SPECC1L: variants seen among roughly 807,000 people sequenced by gnomAD.
SPECC1L encodes the protein sperm antigen with calponin homology and coiled-coil domains 1 like, also known as cytospin-A.
In SPECC1L, 40 loss-of-function variants were observed where a neutral mutation model predicts 116.8. The observed-to-expected ratio is 0.34, with a 90% confidence interval of 0.27 to 0.45. SPECC1L has a LOEUF of 0.45. SPECC1L is among the 20% of genes least tolerant of loss of function. The pLI is 1.00. For synonymous variants in SPECC1L, 504 were observed against 500.6 expected (o/e 1.01, Z -0.09); for missense variants, 1,110 against 1,373.6 (o/e 0.81, Z 3.03).
At chr22:24,293,536 C>G (rs1313908848) in intron 2 of SPECC1L, among the ~76,000 whole-genome samples, 2 of 152,154 alleles carry the variant, frequency 1.3e-5, no homozygotes, top group Admixed American at 6.5e-5. Flanking sequence ...TATTAGATAA[C>G]CATGAACTTA....
intron 14 of SPECC1L, among the ~76,000 whole-genome samples, chr22:24,396,411 C>G (rs951437911): frequency 6.6e-6 from 1 of 152,098 alleles, no homozygotes; most frequent in African/African-American, 2.4e-5. Context: ...GATTCTCCTG[C>G]ATCAGCCTCC....
Position 24,313,460 on chromosome 22 carries a change from A to G in SPECC1L, c.301A>G (p.Ser101Gly), listed in dbSNP as rs553394561. The G allele has an allele frequency of 6.2e-7, 1 of 1,614,042 alleles. No individual in the cohort carries two copies. Among genetic ancestry groups the G allele is most frequent in the Non-Finnish European group, 8.5e-7 (1 of 1,180,026 alleles). The change falls in exon 4 of 17, where the codon AGC becomes GGC. Residue 101 changes from serine to glycine, a missense_variant. Ser to Gly is a moderately conservative substitution (Grantham distance 56). Coordinates refer to ENST00000314328, the MANE Select transcript of SPECC1L (RefSeq NM_015330.6). Reference protein sequence around the residue: ...MTTVENKSKISTGTASSTKRS... With the variant: ...MTTVENKSKIGTGTASSTKRS... The stretch of plus-strand genomic sequence containing the variant: ...CACCGTGGAGAACAAATCCAAGATT[A>G]GCACAGGTAACGGTGACATTCAGTC...
Position 24,372,623 on chromosome 22 carries a change from C to G in SPECC1L, c.3087+3303C>G, listed in dbSNP as rs1180039959. ...TAAATTAGGTATTGATGGGACGTAT[C>G]TCAAAATAATAAGAGCTATCTATGG... On this transcript the variant is annotated intron_variant, in intron 14 of 16. Transcript: ENST00000314328. Among the ~76,000 whole-genome samples the G allele has an allele frequency of 1.1e-4, 16 of 152,260 alleles. No individual in the cohort carries two copies. The East Asian group carries it at 2.9e-3, about 28-fold the overall frequency.
rs2042796701 is a variant in SPECC1L, at chr22:24,416,123, T to A, written c.*1500T>A. On this transcript the variant is annotated 3_prime_UTR_variant, in exon 17 of 17. Coordinates refer to ENST00000314328, the MANE Select transcript of SPECC1L (RefSeq NM_015330.6). Reference sequence around the variant, plus strand: ...CTGAGGGGTCTGCATTCAAGCACGATGTTCTAGAATAGGAGTTTAACGTGT... The same window carrying A: ...CTGAGGGGTCTGCATTCAAGCACGAAGTTCTAGAATAGGAGTTTAACGTGT... 2 of 152,256 alleles carry A rather than the reference T, an allele frequency of 1.3e-5. No individual in the cohort carries two copies. Among genetic ancestry groups the A allele is most frequent in the East Asian group, 3.9e-4 (2 of 5,184 alleles). The allele number at this position is 152,256 out of a possible 1,614,324, so 9.4% of individuals were successfully genotyped here.
chr22:24,358,115 G>T lies in SPECC1L; in HGVS notation c.2744-5146G>T, dbSNP rs1376561509. 9.6e-4 allele frequency among the ~76,000 whole-genome samples: 124 copies of T among 128,776 alleles called. 1 individual carries two copies. The highest frequency in any genetic ancestry group is 7.9e-3 in the Middle Eastern group (2 of 252). The allele number at this position is 128,776 out of a possible 152,430, so 84.5% of individuals were successfully genotyped here. A position where few individuals can be genotyped will look rare whatever the true frequency, so the allele number is the denominator to read the frequency against. ...TTGTAGAGGTGTTTTGTTTTTTTTG[G>T]TTTTTTTTTTTTTTTTTGAGGCAGA... is the stretch of plus-strand genomic sequence containing the variant. On this transcript the variant is annotated intron_variant, in intron 11 of 16. Transcript: ENST00000314328.
At chr22:24,316,840 TCCCAG>T (rs2040581055) in intron 4 of SPECC1L, among the ~76,000 whole-genome samples, 3 of 138,028 alleles carry the variant, frequency 2.2e-5, no homozygotes, top group African/African-American at 8.0e-5. Flanking sequence ...GCTCCTCACT[TCCCAG>T]TAGGGGCGGC....
intron 10 of SPECC1L, among the ~76,000 whole-genome samples, chr22:24,339,429 C>T (rs2041126155): frequency 2.0e-5 from 3 of 152,184 alleles, no homozygotes; most frequent in Non-Finnish European, 2.9e-5. Flanking sequence ...ACATTAGAAA[C>T]AAGTTTTAAA....
Position 24,365,651 on chromosome 22 carries a change from T to C in SPECC1L, c.2984+19T>C. 1.2e-6 allele frequency: 2 copies of C among 1,613,784 alleles called. No individual in the cohort carries two copies. The highest frequency in any genetic ancestry group is 1.7e-6 in the Non-Finnish European group (2 of 1,179,772). On this transcript the variant is annotated intron_variant, in intron 13 of 16. Coordinates refer to ENST00000314328, the MANE Select transcript of SPECC1L (RefSeq NM_015330.6). ...GAATAAGGTAGAGAACAGTTAATAT[T>C]CATGCATTTCGTGTGTACCTTTCCT...
At chr22:24,306,230 A>G (rs979934340) in intron 3 of SPECC1L, among the ~76,000 whole-genome samples, 1 of 151,872 alleles carries the variant, frequency 6.6e-6, no homozygotes, top group Non-Finnish European at 1.5e-5. Context: ...TTATGTGCTC[A>G]GTGGACATTT....
intron 1 of SPECC1L, among the ~76,000 whole-genome samples, chr22:24,272,501 C>G (rs1238418345): frequency 1.3e-5 from 2 of 152,048 alleles, no homozygotes; most frequent in African/African-American, 4.8e-5. Context: ...GGTGAAACCC[C>G]GTCTCTACAA....
chr22:24,295,005 C>T (rs1054703243), intron 2 of SPECC1L, among the ~76,000 whole-genome samples: 1 of 151,892 alleles, frequency 6.6e-6, no homozygotes, highest in African/African-American at 2.4e-5. Flanking sequence ...AGAGATAGCC[C>T]TTTGTTTTCC....
At chr22:24,275,080 T>G (rs2146319202) in intron 1 of SPECC1L, among the ~76,000 whole-genome samples, 2 of 152,400 alleles carry the variant, frequency 1.3e-5, no homozygotes, top group East Asian at 3.9e-4. Flanking sequence ...GGCATCACCT[T>G]GCCTGGAAGG....
intron 8 of SPECC1L, among the ~76,000 whole-genome samples, chr22:24,333,444 C>T (rs2040979710): frequency 6.6e-6 from 1 of 151,988 alleles, no homozygotes; most frequent in Admixed American, 6.6e-5. Flanking sequence ...CTGTGTTAGT[C>T]AGCGTAGTGA....
At chr22:24,304,133 A>G (rs1383757995) in intron 3 of SPECC1L, among the ~76,000 whole-genome samples, 1 of 151,748 alleles carries the variant, frequency 6.6e-6, no homozygotes, top group Non-Finnish European at 1.5e-5. Context: ...GATACTTCCT[A>G]CAATTTGAAT....
At chr22:24,386,873 G>T (rs1601326996) in intron 14 of SPECC1L, among the ~76,000 whole-genome samples, 1 of 152,056 alleles carries the variant, frequency 6.6e-6, no homozygotes, top group East Asian at 1.9e-4. Context: ...TAAAGTGCTG[G>T]GATTACAGGC....
intron 12 of SPECC1L, among the ~76,000 whole-genome samples, chr22:24,364,835 A>C (rs1246167552): frequency 6.6e-6 from 1 of 152,096 alleles, no homozygotes. Context: ...GATTATAATT[A>C]GCCTTTGGTT....
chr22:24,363,733 C>T (rs908161362), intron 12 of SPECC1L, among the ~76,000 whole-genome samples: 3 of 151,836 alleles, frequency 2.0e-5, no homozygotes, highest in East Asian at 1.9e-4. Context: ...TGACATTGAA[C>T]GAAAAAGACA....
In SPECC1L at chr22:24,307,127, C is replaced by G. The variant is rs929950652; in HGVS notation, c.153+4743C>G. Among the ~76,000 whole-genome samples the G allele has an allele frequency of 3.3e-5, 5 of 152,266 alleles. No homozygotes were observed. In the East Asian group the frequency reaches 7.7e-4, roughly 23 times the overall value. On this transcript the variant is annotated intron_variant, in intron 3 of 16. Coordinates refer to ENST00000314328, the MANE Select transcript of SPECC1L (RefSeq NM_015330.6). Reference sequence around the variant, plus strand: ...GCTATGAATATGGGTGTACAAAGATCTCTTCAAGGCCCTGCTTTCAATTTT... The same window carrying G: ...GCTATGAATATGGGTGTACAAAGATGTCTTCAAGGCCCTGCTTTCAATTTT...
At chr22:24,353,134 G>GT (rs1374854886) in intron 11 of SPECC1L, among the ~76,000 whole-genome samples, 1 of 152,108 alleles carries the variant, frequency 6.6e-6, no homozygotes, top group Non-Finnish European at 1.5e-5. Context: ...GTTACAAAAA[G>GT]TAAGAAATTA....
Sources: gnomAD v4.1 joint callset for allele counts (sites outside exome capture counted in the v4.1 genomes callset) on GRCh38, gnomAD v4.1.1 for gene constraint, MANE v1.5 for transcripts, NCBI Gene and HGNC (gene_info 2026-07-23, HGNC 2026-07-21) for gene names.